The following EFHB variants were observed in gnomAD, a reference collection of about 807,000 sequenced individuals.
The protein encoded by EFHB is EF-hand domain-containing family member B.
Under a neutral mutation model 87.2 loss-of-function variants are expected in EFHB, and 91 were observed. The observed-to-expected ratio is 1.04, with a 90% CI of 0.88 to 1.24. EFHB has a LOEUF of 1.24. Ranked by LOEUF, EFHB falls within the 50% of genes most tolerant of loss-of-function variation. The pLI, the probability that EFHB is intolerant of heterozygous loss-of-function variation, is 0.00. For synonymous variants in EFHB, 325 were observed against 333.6 expected, an observed-to-expected ratio of 0.97 and a Z score of 0.28; for missense variants, 1,084 against 998.8, an observed-to-expected ratio of 1.09 and a Z score of -1.15.
chr3:19,934,569 C>T (rs1321117732), upstream of EFHB, among the ~76,000 whole-genome samples: 3 of 151,712 alleles, frequency 2.0e-5, no homozygotes, highest in African/African-American at 4.8e-5. Flanking sequence ...ATTTGGAGGG[C>T]GAGAAAATTT....
chr3:19,895,248 G>A (rs1007015684), intron 9 of EFHB, among the ~76,000 whole-genome samples: 2 of 151,700 alleles, frequency 1.3e-5, no homozygotes, highest in Non-Finnish European at 2.9e-5. Context: ...TTGGGAGGCC[G>A]AGGCGGGTGG....
At chr3:19,943,019 A>C (rs756468610) in intron 1 of EFHB, 2 of 314,176 alleles carry the variant, frequency 6.4e-6, no homozygotes, top group Admixed American at 3.6e-5. Flanking sequence ...GGGCCTGCCA[A>C]CATTATTCAC....
In EFHB at chr3:19,895,250, G is replaced by A. The variant is rs530970982; in HGVS notation, c.1725+1437C>T. Among the ~76,000 whole-genome samples the A allele has an allele frequency of 5.5e-4, 84 of 151,854 alleles. 1 individual carries two copies. The highest frequency in any genetic ancestry group is 2.0e-3 in the African/African-American group (81 of 41,444). Reference sequence around the variant, plus strand: ...TAATCCCAGCACTTTGGGAGGCCGAGGCGGGTGGGTCACGAGGTCAGGAGA... The same window carrying A: ...TAATCCCAGCACTTTGGGAGGCCGAAGCGGGTGGGTCACGAGGTCAGGAGA... On this transcript the variant is annotated intron_variant, in intron 9 of 12. Transcript: ENST00000295824.
upstream of EFHB, among the ~76,000 whole-genome samples, chr3:19,934,459 G>C (rs1162224916): frequency 8.5e-6 from 1 of 117,890 alleles, no homozygotes; most frequent in Non-Finnish European, 1.7e-5. Context: ...CCCTCTCTGT[G>C]TGTCTCTCTC....
chr3:19,935,939 G>A (rs552326594), upstream of EFHB, among the ~76,000 whole-genome samples: 86 of 149,498 alleles, frequency 5.8e-4, no homozygotes, highest in Admixed American at 1.4e-3. Context: ...GAACCTGGGA[G>A]GCGGAGGTTG....
At chr3:19,943,163 T>G (rs1575060378) in intron 1 of EFHB, 1 of 251,454 alleles carries the variant, frequency 4.0e-6, no homozygotes, top group East Asian at 1.0e-4. Flanking sequence ...GTGGCATCAC[T>G]GAGCAATTGT....
rs1180763028 is a variant in EFHB at position 19,933,657 on chromosome 3, G to A, written c.362C>T (p.Thr121Ile). The change falls in exon 1 of 13, where the codon ACC (threonine) becomes ATC (isoleucine). Residue 121 changes from threonine to isoleucine, a missense_variant. By Grantham distance (89) the Thr-to-Ile change is moderately conservative. Transcript: ENST00000295824. ...AGGAGGCTGTATTATCCGTTCATGG[G>A]TATATCCTGCAAGAAGACTCTCATT... ...LENESLLAGYTHERIIQPPLG... is the reference protein window; with the variant it reads ...LENESLLAGYIHERIIQPPLG... 3 of 1,613,856 alleles carry A rather than the reference G, an allele frequency of 1.9e-6. No individual in the cohort carries two copies. The highest frequency in any genetic ancestry group is 1.1e-5 in the South Asian group (1 of 91,084).
intron 1 of EFHB, chr3:19,946,092 C>G (rs1001948627): frequency 1.3e-5 from 2 of 152,158 alleles, no homozygotes; most frequent in East Asian, 1.9e-4. Context: ...TTCAGTAGGT[C>G]CCCCGTGGAG....
At chr3:19,881,321 A>C (rs772874083) in intron 12 of EFHB, among the ~76,000 whole-genome samples, 5 of 152,188 alleles carry the variant, frequency 3.3e-5, no homozygotes, top group African/African-American at 4.8e-5. Flanking sequence ...TTCTATCAGT[A>C]GTATGCTGAC....
chr3:19,897,200 G>A (rs1437194679), intron 8 of EFHB, among the ~76,000 whole-genome samples: 1 of 152,250 alleles, frequency 6.6e-6, no homozygotes, highest in Non-Finnish European at 1.5e-5. Flanking sequence ...GAAAGCTAGG[G>A]CTGATTCCAG....
chr3:19,883,128 G>T (rs1020528781), intron 11 of EFHB, among the ~76,000 whole-genome samples: 9 of 151,852 alleles, frequency 5.9e-5, no homozygotes, highest in Admixed American at 6.6e-5. Context: ...AGCCTCCCAG[G>T]TTGCTGAGAC....
chr3:19,902,385 T>G lies in EFHB; in HGVS notation c.1419-2870A>C, dbSNP rs970884142. On this transcript the variant is annotated intron_variant, in intron 6 of 12. Transcript: ENST00000295824. ...GTTTTTGTTTTTTGAGACAGAGTCT[T>G]GCTCTGTCACCCAGGCTGGAGTGCA... Among the ~76,000 whole-genome samples the G allele has an allele frequency of 1.1e-3, 166 of 152,228 alleles. 1 individual carries two copies. Among genetic ancestry groups the G allele is most frequent in the Non-Finnish European group, 2.5e-4 (17 of 68,006 alleles).
At chr3:19,930,279 C>G (rs1426999457) in intron 1 of EFHB, among the ~76,000 whole-genome samples, 1 of 152,028 alleles carries the variant, frequency 6.6e-6, no homozygotes, top group African/African-American at 2.4e-5. Context: ...TTAAATGAAG[C>G]CTTGTTTCTA....
chr3:19,900,649 C>G (rs565707732), intron 6 of EFHB, among the ~76,000 whole-genome samples: 1 of 152,184 alleles, frequency 6.6e-6, no homozygotes, highest in African/African-American at 2.4e-5. Flanking sequence ...AGAAAAGAGC[C>G]TGGGCACGGT....
intron 1 of EFHB, among the ~76,000 whole-genome samples, chr3:19,943,740 G>A (rs1456843403): frequency 6.6e-6 from 1 of 152,136 alleles, no homozygotes; most frequent in Non-Finnish European, 1.5e-5. Flanking sequence ...CCCATATGGT[G>A]GGGGAATAAG....
chr3:19,880,618 C>G (rs76116969), intron 12 of EFHB, among the ~76,000 whole-genome samples: 1 of 152,116 alleles, frequency 6.6e-6, no homozygotes, highest in East Asian at 1.9e-4. Flanking sequence ...GGAACTTTAA[C>G]TATGTGTGCA....
In EFHB at chr3:19,901,741, G is replaced by C. The variant is rs547159785; in HGVS notation, c.1419-2226C>G. 1.6e-3 allele frequency among the ~76,000 whole-genome samples: 245 copies of C among 152,284 alleles called. 1 individual carries two copies. Among genetic ancestry groups the C allele is most frequent in the African/African-American group, 5.5e-3 (230 of 41,564 alleles). ...AAGCAGGTGGATCACCCTGAGGTCA[G>C]GAGTTCGAGATCAGCCTGGCCCACA... On this transcript the variant is annotated intron_variant, in intron 6 of 12. Transcript: ENST00000295824.
At chr3:19,911,079 T>C (rs1695047396) in intron 5 of EFHB, among the ~76,000 whole-genome samples, 1 of 151,976 alleles carries the variant, frequency 6.6e-6, no homozygotes, top group South Asian at 2.1e-4. Context: ...TCTAGGAAAA[T>C]ATGACCTCAC....
chr3:19,888,760 A>G, intron 9 of EFHB, 109 bp from the exon 10 acceptor site: 3 of 911,420 alleles, frequency 3.3e-6, no homozygotes, highest in South Asian at 3.5e-5. Flanking sequence ...CATAAATTCA[A>G]ATTTGTCTCA....
Sources: gnomAD v4.1 joint callset for allele counts (sites outside exome capture counted in the v4.1 genomes callset) on GRCh38, gnomAD v4.1.1 for gene constraint, MANE v1.5 for transcripts, NCBI Gene and HGNC (gene_info 2026-07-23, HGNC 2026-07-21) for gene names.